Variants in ABCA5 observed in about 807,000 individuals in gnomAD.
The protein encoded by ABCA5 is cholesterol transporter ABCA5.
A neutral mutation model predicts 206.0 loss-of-function variants in ABCA5; 163 were observed. That is an observed-to-expected ratio of 0.79 (90% confidence interval 0.70 to 0.90). ABCA5 has a LOEUF of 0.90. Ranked by LOEUF, ABCA5 falls within the 40% of genes least tolerant of loss-of-function variation. ABCA5 has a pLI of 0.00. For missense variants in ABCA5, 1,859 were observed against 1,912.9 expected (o/e 0.97, Z 0.53); for synonymous variants, 609 against 613.8 (o/e 0.99, Z 0.11).
At position 69,250,606 on chromosome 17, in the gene ABCA5, T is replaced by C. The variant is rs764655925; in HGVS notation, c.4551A>G (p.Val1517=). ...TTCCAAATTTACTCTTTAGATGTTG[T>C]ACTGTTCCGATACATCTGAAGTAAT... is the stretch of plus-strand genomic sequence containing the variant. ...VSGQLRCIGT[V]QHLKSKFGKG... The change falls in exon 36 of 39, where the codon GTA becomes GTG. Residue 1517 remains valine (V), a synonymous_variant. Coordinates refer to ENST00000392676, the MANE Select transcript of ABCA5 (RefSeq NM_172232.4). 3.5e-5 allele frequency: 55 copies of C among 1,581,004 alleles called. No homozygotes were observed. The highest frequency in any genetic ancestry group is 1.8e-4 in the Middle Eastern group (1 of 5,448).
intron 18 of ABCA5, among the ~76,000 whole-genome samples, chr17:69,280,984 T>C (rs1390141345): frequency 2.6e-5 from 4 of 151,874 alleles, no homozygotes; most frequent in African/African-American, 9.7e-5. Context: ...TATATGTATG[T>C]AACTAACCTG....
At chr17:69,304,863 TAAA>T (rs774184598) in intron 6 of ABCA5, 53 bp from the exon 7 acceptor site, 17 of 1,392,818 alleles carry the variant, frequency 1.2e-5, no homozygotes, top group Non-Finnish European at 1.5e-5. Context: ...CTTAACCAGT[TAAA>T]AAATCATTTT....
rs1052676616 is a variant in ABCA5 at position 69,289,230 on chromosome 17, C to G, written c.1849G>C (p.Gly617Arg). 1.2e-6 allele frequency: 2 copies of G among 1,609,034 alleles called. No homozygotes were observed. The highest frequency in any genetic ancestry group is 1.3e-5 in the African/African-American group (1 of 74,672). The change falls in exon 14 of 39, where the codon GGT becomes CGT. Residue 617 changes from glycine (G) to arginine (R), a missense_variant. By Grantham distance (125) the Gly-to-Arg change is moderately radical. Transcript: ENST00000392676. ...AATGACAGCTTTCTTTTTTGACCAC[C>G]ACTTAATTTTTTAGCTTGGTTATCT... ...IKDNQAKKLSGGQKRKLSLGI... is the reference protein window; with the variant it reads ...IKDNQAKKLSRGQKRKLSLGI...
At chr17:69,279,338 C>A (rs1235293282) in intron 18 of ABCA5, among the ~76,000 whole-genome samples, 1 of 152,018 alleles carries the variant, frequency 6.6e-6, no homozygotes. Context: ...ATGTGAAGGA[C>A]CTCTTCAAGG....
Position 69,255,802 on chromosome 17 carries a change from T to C in ABCA5, c.3907A>G (p.Lys1303Glu). Residue 1303 changes from lysine to glutamate, a missense_variant, in exon 30 of 39, where the codon AAA becomes GAA. Coordinates refer to ENST00000392676, the MANE Select transcript of ABCA5 (RefSeq NM_172232.4). ...SNLHKEYDDK[K>E]DFLLSRKVKK... is the part of the protein sequence containing the mutation. ...ACTTTTCTTGAAAGAAGAAAATCTT[T>C]CTTGTCATCATATTCTTTATGCAAA... 1.9e-6 allele frequency: 3 copies of C among 1,594,974 alleles called. No homozygotes were observed. Among genetic ancestry groups the C allele is most frequent in the South Asian group, 2.3e-5 (2 of 87,016 alleles).
At chr17:69,302,384 A>C (rs989122605) in intron 8 of ABCA5, among the ~76,000 whole-genome samples, 1 of 152,200 alleles carries the variant, frequency 6.6e-6, no homozygotes, top group African/African-American at 2.4e-5. Flanking sequence ...AAATGTACAA[A>C]TGATAGCAAT....
chr17:69,283,859 T>TA (rs139338135), intron 18 of ABCA5, 94 bp downstream of exon 18: 77,709 of 1,258,774 alleles, frequency 0.062, 2,369 homozygotes, highest in Admixed American at 0.14. Flanking sequence ...CCCTTTATTC[T>TA]AAAAAAAATA....
rs1249059881 is a variant in ABCA5 at position 69,247,432 on chromosome 17, G to T, written c.*105C>A. The T allele has an allele frequency of 5.7e-6, 4 of 703,522 alleles. No homozygotes were observed. Among genetic ancestry groups the T allele is most frequent in the Non-Finnish European group, 9.6e-6 (4 of 418,630 alleles). The allele number at this position is 703,522 out of a possible 1,614,324, so 43.6% of individuals were successfully genotyped here. A position where few individuals can be genotyped will look rare whatever the true frequency, so the allele number is the denominator to read the frequency against. Reference sequence around the variant, plus strand: ...AGGAGCTTAGAAAAATTTCAAGTGCGTTCTTGGTTCTCCAGTTACCATTCC... The same window carrying T: ...AGGAGCTTAGAAAAATTTCAAGTGCTTTCTTGGTTCTCCAGTTACCATTCC... On this transcript the variant is annotated 3_prime_UTR_variant, in exon 39 of 39. Transcript: ENST00000392676.
In ABCA5 at chr17:69,278,110, A is replaced by C. The variant is rs1011126401; in HGVS notation, c.2393-268T>G. On this transcript the variant is annotated intron_variant, in intron 18 of 38. Transcript: ENST00000392676. ...ACATGAGAATGTTCTTGTTCTACTAAGAACAAGAACACTATTCTATGGAAT... is the reference window on the plus strand; with the variant it reads ...ACATGAGAATGTTCTTGTTCTACTACGAACAAGAACACTATTCTATGGAAT... Among the ~76,000 whole-genome samples the C allele has an allele frequency of 7.9e-5, 12 of 152,166 alleles. No individual in the cohort carries two copies. In the East Asian group the frequency reaches 2.3e-3, roughly 29 times the overall value.
intron 8 of ABCA5, among the ~76,000 whole-genome samples, chr17:69,302,281 C>G (rs494946): frequency 0.31 from 47,419 of 151,940 alleles, 7,961 homozygotes; most frequent in East Asian, 0.56. Context: ...CCTGGGCCAA[C>G]AAAATCCACC....
At chr17:69,271,006 A>C (rs2075267351) in intron 21 of ABCA5, among the ~76,000 whole-genome samples, 156 bp downstream of exon 21, 1 of 152,244 alleles carries the variant, frequency 6.6e-6, no homozygotes, top group Non-Finnish European at 1.5e-5. Context: ...CTGTGAAGTA[A>C]TGAAATATAT....
In ABCA5 at chr17:69,289,840, G is replaced by A. The variant is rs2075504609; in HGVS notation, c.1782+22C>T. 1.9e-6 allele frequency: 3 copies of A among 1,542,572 alleles called. No homozygotes were observed. The East Asian group carries it at 6.9e-5, about 36-fold the overall frequency. On this transcript the variant is annotated intron_variant, in intron 13 of 38. Coordinates refer to ENST00000392676, the MANE Select transcript of ABCA5 (RefSeq NM_172232.4). ...ATTGATTACAGGAAATAAAAGTAAAGATTTCTATATGAATAGCATACTTCT... is the reference window on the plus strand; with the variant it reads ...ATTGATTACAGGAAATAAAAGTAAAAATTTCTATATGAATAGCATACTTCT...
intron 7 of ABCA5, among the ~76,000 whole-genome samples, chr17:69,303,130 G>T (rs567790428): frequency 2.3e-4 from 35 of 152,122 alleles, no homozygotes; most frequent in African/African-American, 8.4e-4. Flanking sequence ...TTTTGATTTT[G>T]TTTTTGAGAC....
At position 69,294,545 on chromosome 17, in the gene ABCA5, G is replaced by A. The variant is rs955323332; in HGVS notation, c.1495+110C>T. The A allele has an allele frequency of 2.2e-5, 22 of 995,784 alleles. No homozygotes were observed. In the South Asian group the frequency reaches 3.0e-4, roughly 14 times the overall value. The allele number at this position is 995,784 out of a possible 1,614,324, so 61.7% of individuals were successfully genotyped here. A position where few individuals can be genotyped will look rare whatever the true frequency, so the allele number is the denominator to read the frequency against. ...TCAAAAAAAATAAAATAAAATAAAAGCAAGACAGAAAATCATGGTAGAGAA... is the reference window on the plus strand; with the variant it reads ...TCAAAAAAAATAAAATAAAATAAAAACAAGACAGAAAATCATGGTAGAGAA... On this transcript the variant is annotated intron_variant, in intron 11 of 38. Coordinates refer to ENST00000392676, the MANE Select transcript of ABCA5 (RefSeq NM_172232.4).
At chr17:69,316,463 G>C (rs1243843517) in intron 1 of ABCA5, among the ~76,000 whole-genome samples, 1 of 151,328 alleles carries the variant, frequency 6.6e-6, no homozygotes, top group Non-Finnish European at 1.5e-5. Flanking sequence ...CCCCAACCTG[G>C]GTGACAAAGT....
chr17:69,323,077 G>A (rs911857860), intron 1 of ABCA5, among the ~76,000 whole-genome samples: 3 of 152,132 alleles, frequency 2.0e-5, no homozygotes, highest in Admixed American at 1.3e-4. Flanking sequence ...GCTTCTAAAC[G>A]TTGTTCGGCA....
chr17:69,302,898 A>T lies in ABCA5; in HGVS notation c.939T>A (p.Phe313Leu). Residue 313 changes from phenylalanine (F) to leucine (L), a missense_variant, in exon 8 of 39, where the codon TTT becomes TTA. Transcript: ENST00000392676. ...TAAAAAGAGGTGTCAGCATTAAAGC[A>T]AAAAATACCTATAAAATACAAATAT... is the stretch of plus-strand genomic sequence containing the variant. ...FFLYGLSSVF[F>L]ALMLTPLFKK... is the part of the protein sequence containing the mutation. The T allele has an allele frequency of 6.7e-7, 1 of 1,494,026 alleles. No homozygotes were observed. 92.5% of individuals were successfully genotyped at this position (1,494,026 alleles called of 1,614,324 possible).
chr17:69,287,500 AACATACC>A (rs1043610489), intron 15 of ABCA5, 106 bp downstream of exon 15: 155 of 1,362,442 alleles, frequency 1.1e-4, no homozygotes, highest in Non-Finnish European at 1.4e-4. Flanking sequence ...TTGTGAAGGA[AACATACC>A]ACTAGGTAAA....
intron 8 of ABCA5, among the ~76,000 whole-genome samples, chr17:69,302,016 G>T (rs2075657700): frequency 6.6e-6 from 1 of 151,956 alleles, no homozygotes; most frequent in Non-Finnish European, 1.5e-5. Flanking sequence ...ATCATTCTCA[G>T]GTCTCAAAAA....
Sources: gnomAD v4.1 joint callset for allele counts (sites outside exome capture counted in the v4.1 genomes callset) on GRCh38, gnomAD v4.1.1 for gene constraint, MANE v1.5 for transcripts, NCBI Gene and HGNC (gene_info 2026-07-23, HGNC 2026-07-21) for gene names.